The following ANK3 variants were observed in gnomAD, a reference collection of about 807,000 sequenced individuals.
The protein encoded by ANK3 is ankyrin-3.
In ANK3, 57 loss-of-function variants were observed where a neutral mutation model predicts 370.9. The observed-to-expected ratio is 0.15, with a 90% CI of 0.12 to 0.19. The LOEUF is 0.19. Among genes scored for constraint, ANK3 ranks in the 10% least tolerant of loss-of-function variants. The probability of loss-of-function intolerance (pLI) is 1.00; values close to 1 mark genes in which losing one functional copy is unlikely to be tolerated. For synonymous variants in ANK3, 1,929 were observed against 1,946.3 expected (o/e 0.99, Z 0.23); for missense variants, 4,439 against 5,302.1 (o/e 0.84, Z 5.06).
intron 2 of ANK3, among the ~76,000 whole-genome samples, chr10:60,409,180 A>C (rs1216457448): frequency 1.3e-5 from 2 of 152,220 alleles, no homozygotes; most frequent in Admixed American, 1.3e-4. Flanking sequence ...CATTAAAAAG[A>C]AAAAGCCTCC....
intron 2 of ANK3, among the ~76,000 whole-genome samples, chr10:60,487,933 C>T (rs1050406068): frequency 3.9e-5 from 6 of 151,978 alleles, no homozygotes; most frequent in Admixed American, 1.3e-4. Context: ...AGGCTAGTCT[C>T]GAACTCCCTA....
At chr10:60,336,466 A>C (rs2052923605) in intron 1 of ANK3, among the ~76,000 whole-genome samples, 1 of 152,158 alleles carries the variant, frequency 6.6e-6, no homozygotes, top group African/African-American at 2.4e-5. Context: ...GCAGGAATGC[A>C]TTTCTTTTTG....
chr10:60,587,137 T>A (rs1474660370), intron 2 of ANK3, among the ~76,000 whole-genome samples: 1 of 152,122 alleles, frequency 6.6e-6, no homozygotes, highest in Non-Finnish European at 1.5e-5. Context: ...GAAGAAAGCA[T>A]GTGTAGAAGG....
chr10:60,036,071 C>A (rs1266060968), intron 43 of ANK3, among the ~76,000 whole-genome samples: 1 of 152,094 alleles, frequency 6.6e-6, no homozygotes, highest in Non-Finnish European at 1.5e-5. Context: ...AGAGATTTTG[C>A]TCTCTCTTTG....
At position 60,073,860 on chromosome 10, in the gene ANK3, C is replaced by T; in HGVS notation, c.7021G>A (p.Glu2341Lys). ...EVHIEKGNQA[E>K]PTEVIIRETK... ...TCTCTAATAATGACTTCAGTGGGCT[C>T]AGCTTGGTTACCTTTTTCGATGTGG... Residue 2341 changes from glutamate to lysine, a missense_variant, in exon 37 of 44, where the codon GAG becomes AAG. Transcript: ENST00000280772. 6.2e-7 allele frequency: 1 copy of T among 1,613,638 alleles called. No homozygotes were observed. The highest frequency in any genetic ancestry group is 8.5e-7 in the Non-Finnish European group (1 of 1,180,002).
intron 2 of ANK3, among the ~76,000 whole-genome samples, chr10:60,513,245 C>G (rs914952509): frequency 2.0e-5 from 3 of 152,066 alleles, no homozygotes; most frequent in African/African-American, 7.2e-5. Context: ...AAAGACACAT[C>G]TAGGTGTGAG....
chr10:60,453,749 C>A (rs909757894), intron 2 of ANK3, among the ~76,000 whole-genome samples: 3 of 151,992 alleles, frequency 2.0e-5, no homozygotes, highest in Non-Finnish European at 4.4e-5. Flanking sequence ...CAGACAGACA[C>A]ACACACACAC....
intron 40 of ANK3, chr10:60,062,398 A>T (rs1424823276): frequency 3.3e-5 from 5 of 152,274 alleles, no homozygotes; most frequent in African/African-American, 1.2e-4. Context: ...CACAATTTAC[A>T]TAATGAGGAA....
intron 1 of ANK3, among the ~76,000 whole-genome samples, chr10:60,693,039 G>T (rs1452143148): frequency 2.0e-5 from 3 of 152,204 alleles, no homozygotes; most frequent in African/African-American, 7.2e-5. Flanking sequence ...AGGTCAGTGG[G>T]TGCAGTGCAC....
At chr10:60,711,562 C>G (rs1410914420) in intron 1 of ANK3, among the ~76,000 whole-genome samples, 1 of 151,284 alleles carries the variant, frequency 6.6e-6, no homozygotes, top group African/African-American at 2.4e-5. Context: ...AAGAAGAAAT[C>G]GAATATTCAA....
chr10:60,493,006 G>A (rs1412319547), intron 2 of ANK3, among the ~76,000 whole-genome samples: 1 of 150,880 alleles, frequency 6.6e-6, no homozygotes, highest in Non-Finnish European at 1.5e-5. Context: ...TGTGAATCCA[G>A]GAGGTGGAGG....
At chr10:60,498,477 C>T (rs1231992028) in intron 2 of ANK3, among the ~76,000 whole-genome samples, 2 of 152,122 alleles carry the variant, frequency 1.3e-5, no homozygotes, top group Admixed American at 6.6e-5. Flanking sequence ...CAGCCTTGAC[C>T]TCTTGGGCCA....
At chr10:60,541,232 C>T (rs2076840948) in intron 2 of ANK3, among the ~76,000 whole-genome samples, 1 of 151,898 alleles carries the variant, frequency 6.6e-6, no homozygotes, top group African/African-American at 2.4e-5. Context: ...TATGACTCTC[C>T]TCAAAACTCT....
At chr10:60,561,538 A>G (rs1265361983) in intron 2 of ANK3, among the ~76,000 whole-genome samples, 1 of 152,254 alleles carries the variant, frequency 6.6e-6, no homozygotes, top group Non-Finnish European at 1.5e-5. Context: ...TGTACTGTTC[A>G]GGTATCATGT....
At chr10:60,561,276 T>C (rs568889572) in intron 2 of ANK3, among the ~76,000 whole-genome samples, 1 of 152,316 alleles carries the variant, frequency 6.6e-6, no homozygotes, top group East Asian at 1.9e-4. Flanking sequence ...ATTGATATCA[T>C]TTGCAAAAAT....
intron 1 of ANK3, among the ~76,000 whole-genome samples, chr10:60,694,166 G>A (rs1323155098): frequency 6.6e-6 from 1 of 152,172 alleles, no homozygotes; most frequent in Admixed American, 6.5e-5. Flanking sequence ...AAGATGAAAT[G>A]AATGAAATGA....
Position 60,457,629 on chromosome 10 carries a change from G to A in ANK3, c.96+157557C>T, listed in dbSNP as rs12255489. Among the ~76,000 whole-genome samples, 408 of 152,246 alleles carry A rather than the reference G, an allele frequency of 2.7e-3. 4 individuals carry two copies. Among genetic ancestry groups the A allele is most frequent in the African/African-American group, 9.6e-3 (398 of 41,558 alleles). On this transcript the variant is annotated intron_variant, in intron 2 of 43. Transcript: ENST00000373827. ...AAATGATCATCAGTGTCTCCTTAGAGTATTGGAAGAGGAACATGAAAGGAT... is the reference window on the plus strand; with the variant it reads ...AAATGATCATCAGTGTCTCCTTAGAATATTGGAAGAGGAACATGAAAGGAT...
intron 2 of ANK3, among the ~76,000 whole-genome samples, chr10:60,611,797 T>C (rs1486924140): frequency 6.7e-6 from 1 of 149,914 alleles, no homozygotes; most frequent in African/African-American, 2.5e-5. Context: ...CCTAGGCAAG[T>C]GTTTGGCATA....
At chr10:60,475,621 T>C (rs1245669678) in intron 2 of ANK3, among the ~76,000 whole-genome samples, 1 of 152,188 alleles carries the variant, frequency 6.6e-6, no homozygotes, top group African/African-American at 2.4e-5. Context: ...TTTGAAACAG[T>C]CTATCAGATC....
Sources: allele counts gnomAD v4.1 joint callset (sites outside exome capture counted in the v4.1 genomes callset), GRCh38; gene constraint gnomAD v4.1.1; transcripts MANE v1.5; gene names NCBI Gene and HGNC (gene_info 2026-07-23, HGNC 2026-07-21).